The following CMTM8 variants were observed in gnomAD, a reference collection of about 807,000 sequenced individuals.
The protein encoded by CMTM8 is CKLF-like MARVEL transmembrane domain-containing protein 8.
Under a neutral mutation model 18.6 loss-of-function variants are expected in CMTM8, and 12 were observed. The observed-to-expected ratio is 0.65, with a 90% CI of 0.41 to 1.05. The LOEUF (loss-of-function observed/expected upper bound fraction) is 1.05. CMTM8 is among the 50% of genes least tolerant of loss of function. CMTM8 has a pLI of 0.00. For missense variants in CMTM8, 217 were observed against 227.2 expected, an observed-to-expected ratio of 0.95 and a Z score of 0.29; for synonymous variants, 87 against 90.6, an observed-to-expected ratio of 0.96 and a Z score of 0.23.
chr3:32,357,299 T>G, intron 1 of CMTM8, 74 bp from the exon 2 acceptor site: 2 of 1,084,470 alleles, frequency 1.8e-6, no homozygotes, highest in Non-Finnish European at 2.7e-6. Flanking sequence ...TTTTTTTTTC[T>G]TTGTCCCTCC....
intron 1 of CMTM8, among the ~76,000 whole-genome samples, chr3:32,269,882 A>C (rs1303367174): frequency 6.6e-6 from 1 of 151,518 alleles, no homozygotes; most frequent in Non-Finnish European, 1.5e-5. Context: ...GACTCAAGCA[A>C]TCCTCCTGTC....
At chr3:32,368,166 C>A (rs1246627668) in intron 3 of CMTM8, among the ~76,000 whole-genome samples, 178 bp downstream of exon 3, 1 of 152,152 alleles carries the variant, frequency 6.6e-6, no homozygotes, top group Middle Eastern at 3.2e-3. Flanking sequence ...CCCTCCTGGC[C>A]CGAAGTGGGA....
At chr3:32,300,960 C>CAA (rs1276105844) in intron 1 of CMTM8, among the ~76,000 whole-genome samples, 10 of 99,818 alleles carry the variant, frequency 1.0e-4, no homozygotes, top group Middle Eastern at 6.0e-3. Flanking sequence ...AACTCCATCT[C>CAA]AAAAAAAAAA....
intron 1 of CMTM8, among the ~76,000 whole-genome samples, chr3:32,248,616 G>A (rs979867956): frequency 2.7e-5 from 4 of 149,922 alleles, no homozygotes; most frequent in Non-Finnish European, 3.0e-5. Context: ...CACCTGCCTC[G>A]GCCTCCCAAA....
chr3:32,327,467 T>C (rs1044415812), intron 1 of CMTM8, among the ~76,000 whole-genome samples: 1 of 152,206 alleles, frequency 6.6e-6, no homozygotes, highest in African/African-American at 2.4e-5. Context: ...CCAAGGAGGA[T>C]TTTATTTTTA....
At chr3:32,326,617 G>A (rs747786410) in intron 1 of CMTM8, among the ~76,000 whole-genome samples, 6 of 149,700 alleles carry the variant, frequency 4.0e-5, no homozygotes, top group Non-Finnish European at 7.4e-5. Context: ...TCCAGGTTCA[G>A]ATGATTCTCT....
chr3:32,315,088 G>GT (rs1695894406), intron 1 of CMTM8, among the ~76,000 whole-genome samples: 1 of 151,544 alleles, frequency 6.6e-6, no homozygotes, highest in African/African-American at 2.4e-5. Flanking sequence ...GGAAACAAAG[G>GT]TAACTAAGCC....
chr3:32,349,254 G>A (rs979196143), intron 1 of CMTM8, among the ~76,000 whole-genome samples: 9 of 152,086 alleles, frequency 5.9e-5, no homozygotes, highest in Non-Finnish European at 5.9e-5. Flanking sequence ...TGTGGATGGG[G>A]CTTATGAACC....
At chr3:32,343,664 C>T (rs1410499106) in intron 1 of CMTM8, among the ~76,000 whole-genome samples, 1 of 152,058 alleles carries the variant, frequency 6.6e-6, no homozygotes, top group African/African-American at 2.4e-5. Context: ...TTTTCCCCAT[C>T]GTTGCACTGC....
intron 1 of CMTM8, among the ~76,000 whole-genome samples, chr3:32,270,903 C>G (rs1322584228): frequency 2.6e-5 from 4 of 152,110 alleles, no homozygotes; most frequent in African/African-American, 9.7e-5. Context: ...ACCCACACCC[C>G]AGAAACCATC....
chr3:32,343,899 C>T (rs1696547903), intron 1 of CMTM8, among the ~76,000 whole-genome samples: 1 of 152,176 alleles, frequency 6.6e-6, no homozygotes, highest in Non-Finnish European at 1.5e-5. Flanking sequence ...CAGGGTTTCA[C>T]CACGTTGGCC....
rs535887637 is a variant in CMTM8, at chr3:32,300,575, C to G, written c.148-56798C>G. ...AGCCCTTACTTTAGGGTATTGTCTT[C>G]TGAGCCCTAACACTGTTCCAATAAA... On this transcript the variant is annotated intron_variant, in intron 1 of 3. Transcript: ENST00000307526. Among the ~76,000 whole-genome samples the G allele has an allele frequency of 9.2e-5, 14 of 152,292 alleles. No individual in the cohort carries two copies. The South Asian group carries it at 2.9e-3, about 32-fold the overall frequency.
At chr3:32,350,380 CAG>C (rs1299473553) in intron 1 of CMTM8, among the ~76,000 whole-genome samples, 18 of 141,396 alleles carry the variant, frequency 1.3e-4, no homozygotes, top group African/African-American at 3.7e-4. Context: ...TTTTTTGAGA[CAG>C]AGTGTTGCTC....
chr3:32,359,449 G>T (rs1360475088), intron 2 of CMTM8, among the ~76,000 whole-genome samples: 2 of 152,180 alleles, frequency 1.3e-5, no homozygotes, highest in African/African-American at 2.4e-5. Flanking sequence ...AATTAGCCTG[G>T]CGTAGTGGCA....
Position 32,238,912 on chromosome 3 carries a change from G to GACC in CMTM8, c.-61_-60insACC. On this transcript the variant is annotated 5_prime_UTR_variant, in exon 1 of 4. Transcript: ENST00000307526. ...CTGTGTCCCCAGGGCGCAGGGCCGCGCGTCCAGCCCCAGACCCGCCGGGGT... is the reference window on the plus strand; with the variant it reads ...CTGTGTCCCCAGGGCGCAGGGCCGCGACCCGTCCAGCCCCAGACCCGCCGGGGT... 1 of 1,467,872 alleles carries GACC rather than the reference G, an allele frequency of 6.8e-7. No individual in the cohort carries two copies. Among genetic ancestry groups the GACC allele is most frequent in the South Asian group, 1.4e-5 (1 of 73,588 alleles). 90.9% of individuals were successfully genotyped at this position (1,467,872 alleles called of 1,614,324 possible).
chr3:32,348,510 T>C (rs1696644197), intron 1 of CMTM8, among the ~76,000 whole-genome samples: 1 of 145,040 alleles, frequency 6.9e-6, no homozygotes, highest in African/African-American at 2.5e-5. Context: ...TCCATTTTCT[T>C]CACTCTCTCT....
chr3:32,304,510 A>T (rs1695685661), intron 1 of CMTM8, among the ~76,000 whole-genome samples: 1 of 152,236 alleles, frequency 6.6e-6, no homozygotes, highest in Non-Finnish European at 1.5e-5. Context: ...GAATGATGTG[A>T]GTGCTCTGTA....
At chr3:32,272,888 G>T (rs1702459487) in intron 1 of CMTM8, among the ~76,000 whole-genome samples, 1 of 152,054 alleles carries the variant, frequency 6.6e-6, no homozygotes, top group African/African-American at 2.4e-5. Context: ...CCTTAAATGG[G>T]CCCTTTGCTT....
intron 1 of CMTM8, among the ~76,000 whole-genome samples, chr3:32,257,781 T>C (rs1702193331): frequency 6.6e-6 from 1 of 152,114 alleles, no homozygotes; most frequent in African/African-American, 2.4e-5. Context: ...TGGTTGTCCA[T>C]GTTTGTAATA....
Sources: gnomAD v4.1 joint callset for allele counts (sites outside exome capture counted in the v4.1 genomes callset) on GRCh38, gnomAD v4.1.1 for gene constraint, MANE v1.5 for transcripts, NCBI Gene and HGNC (gene_info 2026-07-23, HGNC 2026-07-21) for gene names.